Variants in GBF1 observed in about 807,000 individuals in gnomAD.
GBF1 encodes Golgi-specific brefeldin A-resistance guanine nucleotide exchange factor 1.
GBF1 carries 114 observed loss-of-function variants against 210.5 expected under a neutral mutation model. That is an observed-to-expected ratio of 0.54 (90% CI 0.47 to 0.63). The LOEUF (loss-of-function observed/expected upper bound fraction) is 0.63, where lower values mean the gene tolerates loss of function less well. Among genes scored for constraint, GBF1 ranks in the 30% least tolerant of loss-of-function variants. The probability of loss-of-function intolerance (pLI) is 0.00; values close to 1 mark genes in which losing one functional copy is unlikely to be tolerated. For missense variants in GBF1, 1,851 were observed against 2,357.7 expected, an observed-to-expected ratio of 0.79 and a Z score of 4.45; for synonymous variants, 850 against 889.2, an observed-to-expected ratio of 0.96 and a Z score of 0.78.
At chr10:102,323,682 A>G (rs2056642535) in intron 3 of GBF1, among the ~76,000 whole-genome samples, 1 of 151,454 alleles carries the variant, frequency 6.6e-6, no homozygotes, top group African/African-American at 2.4e-5. Flanking sequence ...CTGGGATTAC[A>G]GGCGTGAGCC....
Position 102,359,406 on chromosome 10 carries a change from T to C in GBF1, c.1151T>C (p.Val384Ala). The C allele has an allele frequency of 8.7e-6, 14 of 1,613,956 alleles. No individual in the cohort carries two copies. Among genetic ancestry groups the C allele is most frequent in the Non-Finnish European group, 1.2e-5 (14 of 1,179,856 alleles). Residue 384 changes from valine to alanine, a missense_variant, in exon 11 of 40, where the codon GTG (valine) becomes GCG (alanine). Physicochemically the swap from Val to Ala is moderately conservative, Grantham distance 64. Transcript: ENST00000369983. The part of the protein sequence containing the change: ...HDMDYVNPRG[V>A]RFTQSSQKEG... ...ATGGATTACGTCAATCCCCGGGGCGTGCGCTTTACACAGTCCTCCCAGAAA... is the reference window on the plus strand; with the variant it reads ...ATGGATTACGTCAATCCCCGGGGCGCGCGCTTTACACAGTCCTCCCAGAAA...
chr10:102,375,300 G>A, intron 29 of GBF1, 59 bp from the exon 30 acceptor site: 1 of 975,624 alleles, frequency 1.0e-6, no homozygotes. Context: ...AACTAGACAG[G>A]AAGCTGTGTG....
chr10:102,335,814 T>C (rs1479758484), intron 3 of GBF1, among the ~76,000 whole-genome samples: 1 of 152,216 alleles, frequency 6.6e-6, no homozygotes, highest in African/African-American at 2.4e-5. Context: ...TAATTCATTT[T>C]ATTAAAAGGA....
At chr10:102,255,469 G>A (rs1411812800) in intron 1 of GBF1, among the ~76,000 whole-genome samples, 1 of 152,158 alleles carries the variant, frequency 6.6e-6, no homozygotes, top group Non-Finnish European at 1.5e-5. Context: ...GTAGTTAATA[G>A]GTAATATATG....
Position 102,369,404 on chromosome 10 carries a change from G to T in GBF1, c.3150+17G>T, listed in dbSNP as rs2060083438. On this transcript the variant is annotated intron_variant, in intron 24 of 39. Transcript: ENST00000369983. ...ATGATAGAGGTAATTCTTAGTAGGA[G>T]ACTAGTGAGCGATAACAAGGCAAGA... 6.3e-7 allele frequency: 1 copy of T among 1,592,820 alleles called. No individual in the cohort carries two copies. Among genetic ancestry groups the T allele is most frequent in the South Asian group, 1.1e-5 (1 of 90,482 alleles).
At chr10:102,361,380 A>T (rs1004450788) in intron 13 of GBF1, among the ~76,000 whole-genome samples, 2 of 152,242 alleles carry the variant, frequency 1.3e-5, no homozygotes, top group Non-Finnish European at 2.9e-5. Context: ...TCTTCTGCCC[A>T]GCAGTTACTC....
intron 38 of GBF1, 139 bp from the exon 39 acceptor site, chr10:102,380,988 C>G: frequency 1.3e-6 from 1 of 763,252 alleles, no homozygotes; most frequent in Non-Finnish European, 2.2e-6. Context: ...GAACGAGATT[C>G]CATCTCAAAA....
intron 3 of GBF1, among the ~76,000 whole-genome samples, chr10:102,300,455 T>G (rs1057142032): frequency 2.6e-5 from 4 of 152,072 alleles, no homozygotes; most frequent in African/African-American, 9.7e-5. Flanking sequence ...GAAAAAGAGG[T>G]TCTAAAGTGA....
intron 3 of GBF1, among the ~76,000 whole-genome samples, chr10:102,306,321 T>C (rs1381638111): frequency 1.3e-5 from 2 of 152,252 alleles, no homozygotes; most frequent in Non-Finnish European, 2.9e-5. Context: ...ATGGGAGTTC[T>C]CTTCAACAGA....
At chr10:102,292,738 A>G (rs779087248) in intron 3 of GBF1, among the ~76,000 whole-genome samples, 1 of 152,198 alleles carries the variant, frequency 6.6e-6, no homozygotes, top group Non-Finnish European at 1.5e-5. Context: ...CAAGTTTGGA[A>G]ATACTTTCAG....
chr10:102,288,429 C>T (rs902911552), intron 3 of GBF1, among the ~76,000 whole-genome samples: 5 of 152,084 alleles, frequency 3.3e-5, no homozygotes, highest in African/African-American at 4.8e-5. Flanking sequence ...AACGAAATTA[C>T]GGCCGGGCGC....
At chr10:102,294,257 G>A (rs188641783) in intron 3 of GBF1, among the ~76,000 whole-genome samples, 27 of 152,262 alleles carry the variant, frequency 1.8e-4, no homozygotes, top group African/African-American at 5.8e-4. Context: ...GCAGCATACA[G>A]CAATGTCCTA....
intron 7 of GBF1, among the ~76,000 whole-genome samples, chr10:102,353,062 A>C (rs1229247012): frequency 1.3e-5 from 2 of 152,152 alleles, no homozygotes; most frequent in Non-Finnish European, 2.9e-5. Flanking sequence ...GACTCACAGA[A>C]GAGCTGAGGC....
rs746556731 is a variant in GBF1 at position 102,376,997 on chromosome 10, A to C, written c.4351A>C (p.Lys1451Gln). 8.1e-6 allele frequency: 13 copies of C among 1,614,094 alleles called. No homozygotes were observed. Among genetic ancestry groups the C allele is most frequent in the Non-Finnish European group, 1.0e-5 (12 of 1,180,040 alleles). ...HKYDSKGNRF[K>Q]KKSKEGSMLR... ...ATATGACAGCAAAGGGAACCGCTTC[A>C]AGAAGAAATCCAAAGAGGGATCAAT... The change falls in exon 33 of 40, where the codon AAG becomes CAG. Residue 1451 changes from lysine to glutamine, a missense_variant. Transcript: ENST00000369983.
chr10:102,377,052 A>G lies in GBF1; in HGVS notation c.4406A>G (p.His1469Arg), dbSNP rs997282828. Residue 1469 changes from histidine (H) to arginine (R), a missense_variant, in exon 33 of 40, where the codon CAT becomes CGT. Transcript: ENST00000369983. ...CGCCGGCCTCGAACCTCCAGCCAACATGCCTCTCGGGGCGGGCAGAGTGAT... is the reference window on the plus strand; with the variant it reads ...CGCCGGCCTCGAACCTCCAGCCAACGTGCCTCTCGGGGCGGGCAGAGTGAT... ...MLRRPRTSSQHASRGGQSDDD... is the reference protein window; with the variant it reads ...MLRRPRTSSQRASRGGQSDDD... 1.9e-6 allele frequency: 3 copies of G among 1,614,022 alleles called. No homozygotes were observed. The African/African-American group carries it at 4.0e-5, about 22-fold the overall frequency.
At chr10:102,262,129 C>A (rs912384699) in intron 3 of GBF1, among the ~76,000 whole-genome samples, 26 of 152,158 alleles carry the variant, frequency 1.7e-4, no homozygotes, top group Non-Finnish European at 2.4e-4. Context: ...AAGTGATCCG[C>A]CCACCTTGGC....
At chr10:102,327,145 A>G (rs2056965397) in intron 3 of GBF1, among the ~76,000 whole-genome samples, 1 of 152,202 alleles carries the variant, frequency 6.6e-6, no homozygotes, top group Admixed American at 6.5e-5. Flanking sequence ...GCTGGCACCA[A>G]ACAGGGAGGC....
At chr10:102,342,409 T>A (rs188882062) in intron 3 of GBF1, among the ~76,000 whole-genome samples, 6 of 146,576 alleles carry the variant, frequency 4.1e-5, no homozygotes, top group South Asian at 2.1e-4. Context: ...ACACACACAC[T>A]CACACACAGA....
At chr10:102,333,160 C>G (rs1194598641) in intron 3 of GBF1, among the ~76,000 whole-genome samples, 1 of 152,204 alleles carries the variant, frequency 6.6e-6, no homozygotes. Flanking sequence ...CCCAAGGTCA[C>G]ACAGTTAATG....
Sources: gnomAD v4.1 joint callset for allele counts (sites outside exome capture counted in the v4.1 genomes callset) on GRCh38, gnomAD v4.1.1 for gene constraint, MANE v1.5 for transcripts, NCBI Gene and HGNC (gene_info 2026-07-23, HGNC 2026-07-21) for gene names.